Variants in UTP15 observed in about 807,000 individuals in gnomAD.
The protein encoded by UTP15 is U3 small nucleolar RNA-associated protein 15 homolog.
UTP15 carries 5 observed loss-of-function variants against 59.1 expected under a neutral mutation model. The observed-to-expected ratio is 0.08, with a 90% CI of 0.04 to 0.18. UTP15 has a LOEUF of 0.18. Ranked by LOEUF, UTP15 falls within the 10% of genes least tolerant of loss-of-function variation. The probability of loss-of-function intolerance (pLI) is 1.00; values close to 1 mark genes in which losing one functional copy is unlikely to be tolerated. For synonymous variants in UTP15, 211 were observed against 212.2 expected, an observed-to-expected ratio of 0.99 and a Z score of 0.05; for missense variants, 494 against 616.7, an observed-to-expected ratio of 0.80 and a Z score of 2.11.
At position 73,570,628 on chromosome 5, in the gene UTP15, G is replaced by C; in HGVS notation, c.590G>C (p.Ser197Thr). 1.2e-6 allele frequency: 2 copies of C among 1,614,198 alleles called. No individual in the cohort carries two copies. The highest frequency in any genetic ancestry group is 1.7e-6 in the Non-Finnish European group (2 of 1,180,018). ...HTVKMFDART[S>T]ESVLSVEHGQ... ...GTGAAGATGTTTGATGCACGAACGAGTGAGAGTGTTCTCTCCGTTGAGCAT... is the reference window on the plus strand; with the variant it reads ...GTGAAGATGTTTGATGCACGAACGACTGAGAGTGTTCTCTCCGTTGAGCAT... The change falls in exon 6 of 13, where the codon AGT becomes ACT. Residue 197 changes from serine (S) to threonine (T), a missense_variant. Coordinates refer to ENST00000296792, the MANE Select transcript of UTP15 (RefSeq NM_032175.4).
rs1748327890 is a variant in UTP15 at position 73,581,863 on chromosome 5, G to T, written c.*1769G>T. On this transcript the variant is annotated 3_prime_UTR_variant, in exon 13 of 13. Coordinates refer to ENST00000296792, the MANE Select transcript of UTP15 (RefSeq NM_032175.4). ...CAGCACAGTGGCTTATAAGGAACCA[G>T]CAGTGTTTTTCCCTGAGTAATTATG... is the stretch of plus-strand genomic sequence containing the variant. 2 of 152,198 alleles carry T rather than the reference G, an allele frequency of 1.3e-5. No homozygotes were observed. Among genetic ancestry groups the T allele is most frequent in the Admixed American group, 6.5e-5 (1 of 15,282 alleles). 9.4% of individuals were successfully genotyped at this position (152,198 alleles called of 1,614,324 possible). A position where few individuals can be genotyped will look rare whatever the true frequency, so the allele number is the denominator to read the frequency against.
chr5:73,576,477 C>CT (rs754301537), intron 7 of UTP15, among the ~76,000 whole-genome samples: 4,144 of 129,978 alleles, frequency 0.032, 85 homozygotes, highest in Non-Finnish European at 0.043. Context: ...GTATACAGCT[C>CT]TTTTTTTTTT....
At position 73,583,077 on chromosome 5, in the gene UTP15, C is replaced by T. The variant is rs1373568396; in HGVS notation, c.*2983C>T. On this transcript the variant is annotated 3_prime_UTR_variant, in exon 13 of 13. Coordinates refer to ENST00000296792, the MANE Select transcript of UTP15 (RefSeq NM_032175.4). ...ATGGGATTGTTAAAACAAATTTAGT[C>T]TGTTCAACTCAATGAGGGCATTTCA... is the stretch of plus-strand genomic sequence containing the variant. The T allele has an allele frequency of 6.6e-6, 1 of 152,168 alleles. No individual in the cohort carries two copies. The highest frequency in any genetic ancestry group is 1.5e-5 in the Non-Finnish European group (1 of 68,036). The allele number at this position is 152,168 out of a possible 1,614,324, so 9.4% of individuals were successfully genotyped here. A position where few individuals can be genotyped will look rare whatever the true frequency, so the allele number is the denominator to read the frequency against.
At chr5:73,577,086 A>C in intron 8 of UTP15, 50 bp downstream of exon 8, 1 of 1,371,188 alleles carries the variant, frequency 7.3e-7, no homozygotes, top group Non-Finnish European at 1.0e-6. Flanking sequence ...TGCCTGTTAA[A>C]TGAAACTAAA....
chr5:73,576,859 T>C, intron 7 of UTP15, 93 bp from the exon 8 acceptor site: 1 of 836,976 alleles, frequency 1.2e-6, no homozygotes. Context: ...TTGTACAGAT[T>C]TTAATGTTTG....
rs1421187930 is a variant in UTP15, at chr5:73,569,650, A to G, written c.522A>G (p.Lys174=). ...ATGTGAGGTGTGGATGTGCTAGCAA[A>G]CTTAATCCGGATCTCTTTATAACAG... ...SDYVRCGCAS[K]LNPDLFITGS... The change falls in exon 5 of 13, where the codon AAA becomes AAG. Residue 174 remains lysine, a synonymous_variant. Transcript: ENST00000296792. 2.5e-6 allele frequency: 4 copies of G among 1,611,130 alleles called. No individual in the cohort carries two copies. The highest frequency in any genetic ancestry group is 3.4e-6 in the Non-Finnish European group (4 of 1,178,732).
chr5:73,572,297 C>T (rs1025187015), intron 6 of UTP15, among the ~76,000 whole-genome samples, 192 bp from the exon 7 acceptor site: 2 of 152,110 alleles, frequency 1.3e-5, no homozygotes, highest in Admixed American at 1.3e-4. Context: ...CATAACAGTT[C>T]TGTGAGGTAG....
chr5:73,578,941 T>C (rs2112059528), intron 10 of UTP15, 76 bp from the exon 11 acceptor site: 1 of 1,579,210 alleles, frequency 6.3e-7, no homozygotes, highest in South Asian at 1.1e-5. Flanking sequence ...TTATTCAAAC[T>C]TGATAATTTA....
chr5:73,569,025 C>T (rs796115652), intron 4 of UTP15, among the ~76,000 whole-genome samples: 7 of 152,178 alleles, frequency 4.6e-5, no homozygotes, highest in African/African-American at 1.4e-4. Context: ...TAGTGTTTTG[C>T]CCCTTAATAA....
At chr5:73,570,833 C>A in intron 6 of UTP15, 122 bp downstream of exon 6, 1 of 1,363,158 alleles carries the variant, frequency 7.3e-7, no homozygotes, top group Non-Finnish European at 1.0e-6. Flanking sequence ...TTTGTTCAAA[C>A]AGTTGATAGG....
Position 73,570,576 on chromosome 5 carries a change from G to T in UTP15, c.548-10G>T. ...CAGTCAAACTAAAAATTCAAAAATT[G>T]ACATTTTAGGATCATATGATCATAC... On this transcript the variant is annotated splice_polypyrimidine_tract_variant and intron_variant, in intron 5 of 12. Coordinates refer to ENST00000296792, the MANE Select transcript of UTP15 (RefSeq NM_032175.4). 1 of 1,611,334 alleles carries T rather than the reference G, an allele frequency of 6.2e-7. No homozygotes were observed. Among genetic ancestry groups the T allele is most frequent in the South Asian group, 1.1e-5 (1 of 90,426 alleles).
intron 2 of UTP15, 129 bp from the exon 3 acceptor site, chr5:73,568,106 A>C: frequency 1.5e-6 from 1 of 676,818 alleles, no homozygotes; most frequent in Non-Finnish European, 2.3e-6. Context: ...TTTCTTTGTA[A>C]TTTTATGTTA....
intron 7 of UTP15, among the ~76,000 whole-genome samples, chr5:73,573,611 C>T (rs1191721329): frequency 2.1e-5 from 3 of 141,430 alleles, no homozygotes; most frequent in Non-Finnish European, 3.0e-5. Flanking sequence ...ACATCTCGCT[C>T]TGTTGCCCAG....
intron 10 of UTP15, 22 bp downstream of exon 10, chr5:73,578,874 A>G: frequency 6.3e-7 from 1 of 1,586,158 alleles, no homozygotes; most frequent in Non-Finnish European, 8.7e-7. Flanking sequence ...TTTTTTAAAA[A>G]ATCATGTTAT....
intron 7 of UTP15, among the ~76,000 whole-genome samples, chr5:73,573,862 C>G (rs549510245): frequency 6.6e-6 from 1 of 152,094 alleles, no homozygotes; most frequent in South Asian, 2.1e-4. Context: ...GCATGAGCCA[C>G]CACGCCTGAC....
intron 5 of UTP15, 93 bp from the exon 6 acceptor site, chr5:73,570,493 A>C: frequency 7.6e-7 from 1 of 1,307,852 alleles, no homozygotes; most frequent in Non-Finnish European, 1.1e-6. Flanking sequence ...AACTCCATCT[A>C]AGCTTTTTTT....
rs1321017716 is a variant in UTP15, at chr5:73,582,789, T to G, written c.*2695T>G. On this transcript the variant is annotated 3_prime_UTR_variant, in exon 13 of 13. Transcript: ENST00000296792. ...CAATATGTGACACTGGCCTTAAGAT[T>G]CTAATTTAAAATGCTTAACAGACTT... is the stretch of plus-strand genomic sequence containing the variant. 6.6e-6 allele frequency: 1 copy of G among 152,236 alleles called. No homozygotes were observed. Among genetic ancestry groups the G allele is most frequent in the African/African-American group, 2.4e-5 (1 of 41,468 alleles). 9.4% of individuals were successfully genotyped at this position (152,236 alleles called of 1,614,324 possible).
chr5:73,575,117 C>T (rs72768780), intron 7 of UTP15, among the ~76,000 whole-genome samples: 371 of 152,272 alleles, frequency 2.4e-3, no homozygotes, highest in Middle Eastern at 6.8e-3. Flanking sequence ...GTTGAATCTG[C>T]AGATGTGGAA....
Position 73,580,029 on chromosome 5 carries a change from G to A in UTP15, c.1492G>A (p.Glu498Lys). 1 of 1,613,900 alleles carries A rather than the reference G, an allele frequency of 6.2e-7. No homozygotes were observed. Among genetic ancestry groups the A allele is most frequent in the Non-Finnish European group, 8.5e-7 (1 of 1,179,854 alleles). Residue 498 changes from glutamate (E) to lysine (K), a missense_variant, in exon 13 of 13, where the codon GAA (glutamate) becomes AAA (lysine). Glu to Lys is a moderately conservative substitution (Grantham distance 56). Coordinates refer to ENST00000296792, the MANE Select transcript of UTP15 (RefSeq NM_032175.4). ...DMLFATMRRK[E>K]GTSVLEHTSD... ...GCTTTTTGCCACCATGAGAAGGAAG[G>A]AAGGCACTTCTGTGTTGGAACACAC... is the stretch of plus-strand genomic sequence containing the variant.
Sources: allele counts gnomAD v4.1 joint callset (sites outside exome capture counted in the v4.1 genomes callset), GRCh38; gene constraint gnomAD v4.1.1; transcripts MANE v1.5; gene names NCBI Gene and HGNC (gene_info 2026-07-23, HGNC 2026-07-21).